Variants in MAPK10 observed in about 807,000 individuals in gnomAD.
The protein encoded by MAPK10 is JNK3 alpha protein kinase.
MAPK10 carries 25 observed loss-of-function variants against 59.3 expected under a neutral mutation model. The observed-to-expected ratio is 0.42, with a 90% CI of 0.31 to 0.59. The LOEUF is 0.59. Ranked by LOEUF, MAPK10 falls within the 20% of genes least tolerant of loss-of-function variation. The probability of loss-of-function intolerance (pLI) is 0.15; values close to 1 mark genes in which losing one functional copy is unlikely to be tolerated. For synonymous variants in MAPK10, 190 were observed against 200.5 expected, an observed-to-expected ratio of 0.95 and a Z score of 0.44; for missense variants, 351 against 568.9, an observed-to-expected ratio of 0.62 and a Z score of 3.90.
At chr4:86,064,619 A>G in intron 10 of MAPK10, 2 of 496,702 alleles carry the variant, frequency 4.0e-6, no homozygotes, top group South Asian at 2.8e-5. Flanking sequence ...CTTTGGGTAT[A>G]TAATTATTCA....
chr4:86,580,637 C>T (rs1223800649), intron 1 of MAPK10, among the ~76,000 whole-genome samples: 1 of 152,092 alleles, frequency 6.6e-6, no homozygotes, highest in Non-Finnish European at 1.5e-5. Flanking sequence ...CTGAGATAGT[C>T]AAAGATCATT....
chr4:86,343,895 C>T (rs1159230243), intron 2 of MAPK10, among the ~76,000 whole-genome samples: 4 of 151,836 alleles, frequency 2.6e-5, no homozygotes, highest in Admixed American at 6.6e-5. Context: ...AAAAAGATAA[C>T]TATTTATGTT....
At chr4:86,100,633 C>G (rs1172769712) in intron 8 of MAPK10, 1 of 153,198 alleles carries the variant, frequency 6.5e-6, no homozygotes, top group African/African-American at 2.4e-5. Flanking sequence ...TTGTCTTTTT[C>G]TAGAACTACA....
At chr4:86,577,739 C>T (rs1271605870) in intron 1 of MAPK10, among the ~76,000 whole-genome samples, 1 of 151,986 alleles carries the variant, frequency 6.6e-6, no homozygotes, top group Non-Finnish European at 1.5e-5. Flanking sequence ...TGAGTAATTA[C>T]GTGGTTGCAA....
rs1300175638 is a variant in MAPK10 at position 86,194,696 on chromosome 4, A to G, written c.-6-289T>C. On this transcript the variant is annotated intron_variant, in intron 2 of 13. Coordinates refer to ENST00000641462, the MANE Select transcript of MAPK10 (RefSeq NM_138982.4). ...TAAAGGGAAATACATCCTGTTATAA[A>G]GCATTTTCAGTTCTTAACATTTAAT... Among the ~76,000 whole-genome samples, 8 of 152,128 alleles carry G rather than the reference A, an allele frequency of 5.3e-5. No homozygotes were observed. In the East Asian group the frequency reaches 1.4e-3, roughly 26 times the overall value.
chr4:86,354,544 T>G lies in MAPK10; in HGVS notation c.-21A>C. The G allele has an allele frequency of 8.1e-7, 1 of 1,229,006 alleles. No individual in the cohort carries two copies. The highest frequency in any genetic ancestry group is 1.0e-6 in the Non-Finnish European group (1 of 985,166). 76.1% of individuals were successfully genotyped at this position (1,229,006 alleles called of 1,614,324 possible). Reference sequence around the variant, plus strand: ...TGGCAACTCACCACAGCTTGTATGGTTTCTCATCTATAGGAAACGGGTCTA... The same window carrying G: ...TGGCAACTCACCACAGCTTGTATGGGTTCTCATCTATAGGAAACGGGTCTA... On this transcript the variant is annotated 5_prime_UTR_variant, in exon 2 of 14. Transcript: ENST00000641462.
chr4:86,471,181 A>C (rs961183311), intron 1 of MAPK10, among the ~76,000 whole-genome samples: 11 of 150,318 alleles, frequency 7.3e-5, no homozygotes, highest in Admixed American at 4.0e-4. Flanking sequence ...AGGCAGGAGA[A>C]TTGCTTGAAC....
chr4:86,335,138 C>A (rs1235919010), intron 2 of MAPK10: 1 of 152,194 alleles, frequency 6.6e-6, no homozygotes, highest in Non-Finnish European at 1.5e-5. Context: ...CCCTGCGCCT[C>A]TAATTTCATC....
intron 2 of MAPK10, among the ~76,000 whole-genome samples, chr4:86,264,878 T>TGGC (rs2094160010): frequency 6.8e-6 from 1 of 147,196 alleles, no homozygotes; most frequent in Non-Finnish European, 1.5e-5. Context: ...AGGTTTTTGA[T>TGGC]GGCCCTGGAC....
intron 2 of MAPK10, among the ~76,000 whole-genome samples, chr4:86,303,133 G>A (rs547989037): frequency 7.7e-4 from 117 of 152,290 alleles, no homozygotes; most frequent in African/African-American, 2.7e-3. Context: ...GCCATAGTGC[G>A]AGCCTCTAAT....
chr4:86,262,562 T>A (rs980649525), intron 2 of MAPK10, among the ~76,000 whole-genome samples: 1 of 152,194 alleles, frequency 6.6e-6, no homozygotes, highest in African/African-American at 2.4e-5. Flanking sequence ...ATGACTAGGC[T>A]CCTAGTGTGT....
intron 2 of MAPK10, among the ~76,000 whole-genome samples, chr4:86,324,671 C>T (rs984937160): frequency 6.6e-6 from 1 of 152,160 alleles, no homozygotes; most frequent in Admixed American, 6.5e-5. Flanking sequence ...CTCTATAAAC[C>T]TGAGAAACTC....
At chr4:86,340,300 C>A (rs1169125654) in intron 2 of MAPK10, 3 of 152,604 alleles carry the variant, frequency 2.0e-5, no homozygotes, top group Non-Finnish European at 4.4e-5. Context: ...CTACCAAAGA[C>A]CAGATAATTT....
rs199711812 is a variant in MAPK10 at position 86,353,241 on chromosome 4, T to C, written c.-7+1289A>G. ...TTTAGAACACAACTACCTCCATTAA[T>C]AAGCACATTTTATTGTAAGTACCCC... is the stretch of plus-strand genomic sequence containing the variant. On this transcript the variant is annotated intron_variant, in intron 2 of 13. Transcript: ENST00000641462. Among the ~76,000 whole-genome samples, 7 of 152,286 alleles carry C rather than the reference T, an allele frequency of 4.6e-5. No homozygotes were observed. The East Asian group carries it at 1.4e-3, about 29-fold the overall frequency.
intron 1 of MAPK10, among the ~76,000 whole-genome samples, chr4:86,522,087 G>A (rs191829743): frequency 6.6e-6 from 1 of 152,278 alleles, no homozygotes; most frequent in Admixed American, 6.5e-5. Context: ...TCAGCTCTAG[G>A]TAAGGTTAAC....
At chr4:86,376,050 C>G (rs1578975323) in intron 1 of MAPK10, among the ~76,000 whole-genome samples, 2 of 152,278 alleles carry the variant, frequency 1.3e-5, no homozygotes, top group South Asian at 4.1e-4. Context: ...TATTCACACT[C>G]AGTTTGTAGG....
At chr4:86,106,440 T>C (rs942066956) in intron 5 of MAPK10, among the ~76,000 whole-genome samples, 2 of 148,776 alleles carry the variant, frequency 1.3e-5, no homozygotes, top group Non-Finnish European at 3.0e-5. Flanking sequence ...TAATTTATTA[T>C]ATATTTATAT....
intron 2 of MAPK10, among the ~76,000 whole-genome samples, chr4:86,256,419 T>G (rs2093710457): frequency 6.6e-6 from 1 of 152,162 alleles, no homozygotes; most frequent in African/African-American, 2.4e-5. Flanking sequence ...CCTTCAATTA[T>G]CCTGTTTTAA....
At chr4:86,341,492 T>G (rs1724888703) in intron 2 of MAPK10, among the ~76,000 whole-genome samples, 1 of 152,170 alleles carries the variant, frequency 6.6e-6, no homozygotes, top group African/African-American at 2.4e-5. Context: ...AGGACAATTG[T>G]GTGGGAGGAC....
Sources: gnomAD v4.1 joint callset for allele counts (sites outside exome capture counted in the v4.1 genomes callset) on GRCh38, gnomAD v4.1.1 for gene constraint, MANE v1.5 for transcripts, NCBI Gene and HGNC (gene_info 2026-07-23, HGNC 2026-07-21) for gene names.